Variants in GRIK1 observed in about 807,000 individuals in gnomAD.
The protein encoded by GRIK1 is glutamate receptor ionotropic, kainate 1.
A neutral mutation model predicts 105.7 loss-of-function variants in GRIK1; 69 were observed. The observed-to-expected ratio is 0.65, with a 90% CI of 0.54 to 0.80. The LOEUF is 0.80. Among genes scored for constraint, GRIK1 ranks in the 30% least tolerant of loss-of-function variants. GRIK1 has a pLI of 0.00. For missense variants in GRIK1, 1,109 were observed against 1,167.3 expected, an observed-to-expected ratio of 0.95 and a Z score of 0.73; for synonymous variants, 438 against 431.3, an observed-to-expected ratio of 1.02 and a Z score of -0.19.
intron 1 of GRIK1, among the ~76,000 whole-genome samples, chr21:29,876,924 C>G (rs183743752): frequency 3.9e-5 from 6 of 152,088 alleles, no homozygotes; most frequent in African/African-American, 1.4e-4. Context: ...ACTTAATAAC[C>G]TGCAAATTAG....
chr21:29,805,290 C>G (rs771773306), intron 1 of GRIK1, among the ~76,000 whole-genome samples: 13 of 152,134 alleles, frequency 8.5e-5, no homozygotes, highest in Non-Finnish European at 1.8e-4. Flanking sequence ...GCTGCAGCCA[C>G]TTTATCACTA....
Position 29,848,634 on chromosome 21 carries a change from C to T in GRIK1, c.118+90749G>A, listed in dbSNP as rs537286147. On this transcript the variant is annotated intron_variant, in intron 1 of 17. Coordinates refer to ENST00000327783, the MANE Select transcript of GRIK1 (RefSeq NM_001330994.2). ...GGATCCCTGTGGCTAGATGTATTCTCTCTTTCTTCAGTTCTTAATATCATC... is the reference window on the plus strand; with the variant it reads ...GGATCCCTGTGGCTAGATGTATTCTTTCTTTCTTCAGTTCTTAATATCATC... Among the ~76,000 whole-genome samples the T allele has an allele frequency of 5.3e-5, 8 of 151,800 alleles. No individual in the cohort carries two copies. The East Asian group carries it at 1.6e-3, about 29-fold the overall frequency.
At chr21:29,680,006 G>A (rs977605041) in intron 3 of GRIK1, among the ~76,000 whole-genome samples, 1 of 152,202 alleles carries the variant, frequency 6.6e-6, no homozygotes, top group South Asian at 2.1e-4. Context: ...GAGGGAATAT[G>A]CTCGCTATCT....
At chr21:29,783,413 A>T (rs534327726) in intron 1 of GRIK1, among the ~76,000 whole-genome samples, 1 of 152,228 alleles carries the variant, frequency 6.6e-6, no homozygotes, top group East Asian at 1.9e-4. Flanking sequence ...TTGCTTTAAA[A>T]TTTTATTTCA....
chr21:29,700,438 A>G (rs1402733181), intron 1 of GRIK1, among the ~76,000 whole-genome samples: 1 of 152,232 alleles, frequency 6.6e-6, no homozygotes, highest in Non-Finnish European at 1.5e-5. Flanking sequence ...GCTAAGGTCA[A>G]TAATGTGCTA....
At chr21:29,756,156 C>A (rs756193518) in intron 1 of GRIK1, among the ~76,000 whole-genome samples, 17 of 152,208 alleles carry the variant, frequency 1.1e-4, no homozygotes, top group African/African-American at 3.9e-4. Context: ...CCGAGGCGGG[C>A]GGATCACAAA....
At chr21:29,538,411 G>A (rs1436705356) in intron 16 of GRIK1, among the ~76,000 whole-genome samples, 1 of 152,122 alleles carries the variant, frequency 6.6e-6, no homozygotes, top group African/African-American at 2.4e-5. Context: ...GCCAAAGGCT[G>A]GGAGGAAGGG....
intron 1 of GRIK1, among the ~76,000 whole-genome samples, chr21:29,776,498 A>C (rs2065946719): frequency 6.6e-6 from 1 of 152,198 alleles, no homozygotes; most frequent in African/African-American, 2.4e-5. Context: ...TTATTTATGG[A>C]GTTGAAATTT....
At chr21:29,759,555 T>C (rs1325932088) in intron 1 of GRIK1, among the ~76,000 whole-genome samples, 1 of 152,130 alleles carries the variant, frequency 6.6e-6, no homozygotes, top group African/African-American at 2.4e-5. Context: ...TTTGGAATCA[T>C]AGATTATACT....
intron 4 of GRIK1, chr21:29,657,718 C>T (rs982340120): frequency 2.1e-4 from 32 of 152,194 alleles, no homozygotes; most frequent in African/African-American, 7.7e-4. Flanking sequence ...GTCAACAGCA[C>T]CAAAGGCGGT....
intron 1 of GRIK1, among the ~76,000 whole-genome samples, chr21:29,701,462 G>A (rs1010535045): frequency 1.3e-5 from 2 of 152,202 alleles, no homozygotes; most frequent in Non-Finnish European, 2.9e-5. Flanking sequence ...GGCTGAAGTC[G>A]GGTGAGCTGG....
chr21:29,811,926 C>A (rs920535422), intron 1 of GRIK1, among the ~76,000 whole-genome samples: 1 of 152,102 alleles, frequency 6.6e-6, no homozygotes, highest in Non-Finnish European at 1.5e-5. Flanking sequence ...TTTCAGATGA[C>A]TTGTTTTCTT....
intron 1 of GRIK1, among the ~76,000 whole-genome samples, chr21:29,813,123 G>A (rs2067057614): frequency 6.6e-6 from 1 of 152,036 alleles, no homozygotes; most frequent in Non-Finnish European, 1.5e-5. Context: ...TCACATGCCT[G>A]GCACACGCAT....
At chr21:29,573,358 G>A (rs1353532514) in intron 14 of GRIK1, among the ~76,000 whole-genome samples, 1 of 152,146 alleles carries the variant, frequency 6.6e-6, no homozygotes, top group Non-Finnish European at 1.5e-5. Context: ...CAAACATGTC[G>A]TAATGTAGTC....
intron 1 of GRIK1, among the ~76,000 whole-genome samples, chr21:29,697,872 T>C (rs552861625): frequency 6.6e-6 from 1 of 152,234 alleles, no homozygotes; most frequent in South Asian, 2.1e-4. Context: ...TTTCCCTCTC[T>C]TTTTTTCCTT....
At chr21:29,593,313 G>A (rs2061358596) in intron 9 of GRIK1, among the ~76,000 whole-genome samples, 2 of 152,096 alleles carry the variant, frequency 1.3e-5, no homozygotes, top group African/African-American at 4.8e-5. Flanking sequence ...ACGTTTCCAG[G>A]ATCTAGTGTG....
intron 9 of GRIK1, among the ~76,000 whole-genome samples, chr21:29,591,538 T>C (rs1046855738): frequency 1.3e-5 from 2 of 152,166 alleles, no homozygotes; most frequent in African/African-American, 4.8e-5. Flanking sequence ...TTTCTTCCTA[T>C]ATATATATTT....
chr21:29,652,271 C>A (rs2062753734), intron 5 of GRIK1, among the ~76,000 whole-genome samples: 1 of 152,204 alleles, frequency 6.6e-6, no homozygotes, highest in Non-Finnish European at 1.5e-5. Flanking sequence ...CCAGGCTGTT[C>A]CAGGTCTTGC....
At chr21:29,821,539 A>G (rs2067308020) in intron 1 of GRIK1, among the ~76,000 whole-genome samples, 1 of 152,002 alleles carries the variant, frequency 6.6e-6, no homozygotes, top group Non-Finnish European at 1.5e-5. Context: ...GAGGTTCACA[A>G]TTTACTGAAG....
Sources: allele counts gnomAD v4.1 joint callset (sites outside exome capture counted in the v4.1 genomes callset), GRCh38; gene constraint gnomAD v4.1.1; transcripts MANE v1.5; gene names NCBI Gene and HGNC (gene_info 2026-07-23, HGNC 2026-07-21).